CCNH: variants seen among roughly 807,000 people sequenced by gnomAD.
CCNH encodes cyclin-H.
Under a neutral mutation model 41.9 loss-of-function variants are expected in CCNH, and 31 were observed. That is an observed-to-expected ratio of 0.74 (90% CI 0.56 to 1.00). CCNH has a LOEUF of 1.00. Ranked by LOEUF, CCNH falls within the 50% of genes least tolerant of loss-of-function variation. The probability of loss-of-function intolerance (pLI) is 0.00; values close to 1 mark genes in which losing one functional copy is unlikely to be tolerated. For missense variants in CCNH, 362 were observed against 388.4 expected (o/e 0.93, Z 0.57); for synonymous variants, 138 against 136.1 (o/e 1.01, Z -0.10).
intron 3 of CCNH, among the ~76,000 whole-genome samples, chr5:87,408,583 T>C: frequency 6.6e-6 from 1 of 152,086 alleles, no homozygotes; most frequent in Non-Finnish European, 1.5e-5. Flanking sequence ...GGAAGAAAAG[T>C]AGGTTAAAGG....
chr5:87,355,033 T>A (rs374691467), intron 9 of CCNH, among the ~76,000 whole-genome samples: 2 of 152,074 alleles, frequency 1.3e-5, no homozygotes, highest in African/African-American at 4.8e-5. Flanking sequence ...TCATAAGATT[T>A]AAGGAAAGAT....
At chr5:87,353,348 A>G in intron 9 of CCNH, 3 of 841,014 alleles carry the variant, frequency 3.6e-6, no homozygotes, top group Non-Finnish European at 5.8e-6. Flanking sequence ...TTAAAACTAC[A>G]GATTATTTAG....
At chr5:87,356,884 C>G (rs1488867043) in intron 9 of CCNH, among the ~76,000 whole-genome samples, 1 of 152,086 alleles carries the variant, frequency 6.6e-6, no homozygotes, top group South Asian at 2.1e-4. Flanking sequence ...CCTTCATTCC[C>G]GCATGCTTTC....
At chr5:87,338,945 A>G (rs912825897) in intron 9 of CCNH, among the ~76,000 whole-genome samples, 1 of 152,072 alleles carries the variant, frequency 6.6e-6, no homozygotes, top group Non-Finnish European at 1.5e-5. Context: ...TGCATTTTTA[A>G]TAACAGGTCA....
intron 9 of CCNH, among the ~76,000 whole-genome samples, chr5:87,327,879 C>A (rs1757341911): frequency 6.6e-6 from 1 of 151,712 alleles, no homozygotes; most frequent in Non-Finnish European, 1.5e-5. Context: ...ACAGGAGAAT[C>A]ACTTGAACCC....
chr5:87,345,164 G>C (rs868753576), intron 9 of CCNH, among the ~76,000 whole-genome samples: 1 of 152,132 alleles, frequency 6.6e-6, no homozygotes, highest in Non-Finnish European at 1.5e-5. Flanking sequence ...AACTTTATAA[G>C]AGCAGGGACT....
At chr5:87,380,513 T>C (rs372498033), upstream of CCNH, 31 of 1,611,844 alleles carry the variant, frequency 1.9e-5, no homozygotes, top group African/African-American at 2.3e-4. Context: ...TGGCAGGACA[T>C]TGAGATATAT....
At chr5:87,344,618 C>T (rs1269463968) in intron 9 of CCNH, among the ~76,000 whole-genome samples, 5 of 151,916 alleles carry the variant, frequency 3.3e-5, no homozygotes, top group African/African-American at 4.8e-5. Flanking sequence ...ATCTTCCTGC[C>T]TGAGCCTCCC....
chr5:87,374,729 G>GT (rs200643915), downstream of CCNH: 60,907 of 1,041,298 alleles, frequency 0.058, 117 homozygotes, highest in African/African-American at 0.088. Context: ...CTAGCACACT[G>GT]TTTTTTTTTT....
chr5:87,396,073 A>T (rs1195798998), intron 7 of CCNH, among the ~76,000 whole-genome samples: 1 of 150,720 alleles, frequency 6.6e-6, no homozygotes, highest in Admixed American at 6.6e-5. Context: ...TGTACTGAAC[A>T]TGTACAGAAT....
downstream of CCNH, among the ~76,000 whole-genome samples, chr5:87,393,250 T>C (rs1375379221): frequency 2.6e-5 from 4 of 152,120 alleles, no homozygotes; most frequent in Non-Finnish European, 5.9e-5. Context: ...ATTTGTGCAA[T>C]TTAATTAGAT....
At chr5:87,387,656 T>C (rs974949954), downstream of CCNH, among the ~76,000 whole-genome samples, 3 of 152,186 alleles carry the variant, frequency 2.0e-5, no homozygotes, top group Non-Finnish European at 4.4e-5. Context: ...TCTGTCTTAA[T>C]GTATTCAGAT....
intron 5 of CCNH, among the ~76,000 whole-genome samples, chr5:87,404,417 G>A (rs1487316844): frequency 6.6e-6 from 1 of 152,164 alleles, no homozygotes; most frequent in African/African-American, 2.4e-5. Flanking sequence ...CATAAATTGA[G>A]AAACTTAATA....
At chr5:87,359,012 T>C (rs1489899032) in intron 9 of CCNH, among the ~76,000 whole-genome samples, 1 of 152,206 alleles carries the variant, frequency 6.6e-6, no homozygotes, top group Non-Finnish European at 1.5e-5. Flanking sequence ...AGCACTTACC[T>C]TCTAACATGT....
intron 9 of CCNH, among the ~76,000 whole-genome samples, chr5:87,340,640 G>A (rs1306867544): frequency 6.6e-6 from 1 of 152,052 alleles, no homozygotes; most frequent in East Asian, 1.9e-4. Context: ...AAAGGGGGAT[G>A]TCTTTTATAT....
chr5:87,410,269 AT>A (rs1288198456), intron 2 of CCNH, among the ~76,000 whole-genome samples: 1 of 152,106 alleles, frequency 6.6e-6, no homozygotes, highest in Non-Finnish European at 1.5e-5. Context: ...TCATTAAAGG[AT>A]TTTTTCTTCA....
At chr5:87,405,087 C>A in intron 4 of CCNH, 80 bp from the exon 5 acceptor site, 1 of 975,292 alleles carries the variant, frequency 1.0e-6, no homozygotes, top group Non-Finnish European at 1.6e-6. Flanking sequence ...TACACAACTC[C>A]TATTAAGAAA....
chr5:87,411,600 A>T (rs1336205121), intron 1 of CCNH, among the ~76,000 whole-genome samples: 2 of 152,174 alleles, frequency 1.3e-5, no homozygotes, highest in Non-Finnish European at 2.9e-5. Context: ...AAGTATAAAC[A>T]ATCATGACAG....
At chr5:87,412,590 G>C in intron 1 of CCNH, 88 bp downstream of exon 1, 1 of 1,539,858 alleles carries the variant, frequency 6.5e-7, no homozygotes, top group Non-Finnish European at 8.8e-7. Flanking sequence ...AAACGACGGA[G>C]CGAGATTGTC....
Sources: allele counts gnomAD v4.1 joint callset (sites outside exome capture counted in the v4.1 genomes callset), GRCh38; gene constraint gnomAD v4.1.1; transcripts MANE v1.5; gene names NCBI Gene and HGNC (gene_info 2026-07-23, HGNC 2026-07-21).